Variants in CFAP47 observed in about 807,000 individuals in gnomAD.
CFAP47 encodes the protein cilia- and flagella-associated protein 47.
CFAP47 carries 29 observed loss-of-function variants against 148.1 expected under a neutral mutation model. The ratio of observed to expected loss-of-function variants is 0.20; its 90% CI spans 0.15 to 0.27. The LOEUF is 0.27. CFAP47 is among the 10% of genes least tolerant of loss of function. The pLI is 1.00. For synonymous variants in CFAP47, 664 were observed against 577.3 expected (o/e 1.15, Z -2.15); for missense variants, 1,872 against 1,697.5 (o/e 1.10, Z -1.81).
intron 56 of CFAP47, among the ~76,000 whole-genome samples, chrX:36,316,717 T>C (rs782666155): frequency 8.9e-6 from 1 of 112,419 alleles, no homozygotes; most frequent in Admixed American, 9.4e-5. Context: ...GTGTTTTATA[T>C]TTTTGTGACA....
intron 8 of CFAP47, among the ~76,000 whole-genome samples, chrX:35,957,658 T>C (rs1235462795): frequency 8.9e-6 from 1 of 112,090 alleles, no homozygotes; most frequent in Non-Finnish European, 1.9e-5. Flanking sequence ...ATTATTTTTC[T>C]CCAGTAACAT....
intron 42 of CFAP47, among the ~76,000 whole-genome samples, chrX:36,193,611 A>C (rs1555986819): frequency 9.0e-6 from 1 of 111,232 alleles, no homozygotes; most frequent in Non-Finnish European, 1.9e-5. Context: ...ATTGCTTTGA[A>C]GCATTTGTTA....
intron 1 of CFAP47, 42 bp from the exon 2 acceptor site, chrX:35,925,975 G>A (rs746003094): frequency 9.2e-7 from 1 of 1,081,087 alleles, no homozygotes; most frequent in Admixed American, 2.7e-5. Flanking sequence ...TTTTTTATAA[G>A]GAGTTAAAAT....
chrX:35,933,921 T>C (rs1935870078), intron 2 of CFAP47, among the ~76,000 whole-genome samples: 2 of 112,227 alleles, frequency 1.8e-5, no homozygotes, highest in Admixed American at 9.4e-5. Flanking sequence ...AATTTAACTA[T>C]TGATTTTTTC....
chrX:36,359,236 A>C (rs1941808891), intron 60 of CFAP47, among the ~76,000 whole-genome samples: 1 of 111,840 alleles, frequency 8.9e-6, no homozygotes, highest in East Asian at 2.8e-4. Flanking sequence ...AGTTTCCCCG[A>C]GGTAAAAATT....
intron 26 of CFAP47, among the ~76,000 whole-genome samples, chrX:36,052,265 A>G (rs1369319698): frequency 8.9e-6 from 1 of 112,049 alleles, no homozygotes; most frequent in Non-Finnish European, 1.9e-5. Context: ...TTTCCTAATC[A>G]TGGATGAGAT....
intron 4 of CFAP47, 80 bp downstream of exon 4, chrX:35,948,532 T>C: frequency 1.3e-6 from 1 of 790,820 alleles, no homozygotes; most frequent in South Asian, 2.6e-5. Context: ...GTGACTTTGA[T>C]TGTATGTTAG....
chrX:35,981,508 A>G (rs1936644293), intron 15 of CFAP47, among the ~76,000 whole-genome samples: 1 of 109,977 alleles, frequency 9.1e-6, no homozygotes, highest in African/African-American at 3.3e-5. Flanking sequence ...TGATATAACA[A>G]TTAGACAAAA....
At chrX:35,961,460 T>A (rs1025704051) in intron 8 of CFAP47, among the ~76,000 whole-genome samples, 1 of 111,489 alleles carries the variant, frequency 9.0e-6, no homozygotes, top group Admixed American at 9.5e-5. Flanking sequence ...TGGGATTTTG[T>A]CAGAAAGTTT....
intron 39 of CFAP47, among the ~76,000 whole-genome samples, chrX:36,171,118 TC>T (rs1197796542): frequency 4.5e-5 from 5 of 110,464 alleles, no homozygotes; most frequent in Non-Finnish European, 3.8e-5. Context: ...TCCGTTCATG[TC>T]CTTTGCCCAC....
At chrX:36,193,902 C>T (rs1297629080) in intron 42 of CFAP47, among the ~76,000 whole-genome samples, 1 of 111,292 alleles carries the variant, frequency 9.0e-6, no homozygotes, top group Admixed American at 9.6e-5. Flanking sequence ...TCTCTTGGTT[C>T]CTTATCAACG....
intron 8 of CFAP47, among the ~76,000 whole-genome samples, chrX:35,965,344 A>C (rs1936387408): frequency 9.0e-6 from 1 of 111,225 alleles, no homozygotes; most frequent in Non-Finnish European, 1.9e-5. Flanking sequence ...ATATTCTGTC[A>C]AGTAGTTTAC....
chrX:35,925,091 G>C (rs1212890952), intron 1 of CFAP47, among the ~76,000 whole-genome samples: 1 of 111,757 alleles, frequency 8.9e-6, no homozygotes, highest in Non-Finnish European at 1.9e-5. Context: ...AGTATTGTAT[G>C]GCTGGGTGCC....
At chrX:36,359,552 A>G (rs1223948488) in intron 60 of CFAP47, among the ~76,000 whole-genome samples, 2 of 111,585 alleles carry the variant, frequency 1.8e-5, no homozygotes, top group East Asian at 5.6e-4. Flanking sequence ...GTGCACCACT[A>G]TTACAGTATT....
intron 2 of CFAP47, among the ~76,000 whole-genome samples, chrX:35,936,346 A>G (rs898969151): frequency 2.7e-5 from 3 of 110,274 alleles, no homozygotes; most frequent in Admixed American, 1.9e-4. Context: ...TCAATTCTAT[A>G]ATTTCTATTT....
chrX:36,094,645 A>T (rs941825421), intron 30 of CFAP47, among the ~76,000 whole-genome samples: 1 of 110,345 alleles, frequency 9.1e-6, no homozygotes, highest in African/African-American at 3.3e-5. Context: ...TGTAAATGGG[A>T]CTCCTGTTTT....
At position 36,205,128 on chromosome X, in the gene CFAP47, G is replaced by A; in HGVS notation, c.6817+18G>A. On this transcript the variant is annotated intron_variant, in intron 45 of 63. Coordinates refer to ENST00000378653, the MANE Select transcript of CFAP47 (RefSeq NM_001304548.2). ...AGCAAAAGGTAATCAGTGATGTGCG[G>A]CCTAAAAATCTAAGTGTTCCGGGAA... 3.4e-6 allele frequency: 1 copy of A among 295,278 alleles called. No individual in the cohort carries two copies. Among genetic ancestry groups the A allele is most frequent in the Non-Finnish European group, 5.9e-6 (1 of 168,726 alleles). 24.3% of individuals were successfully genotyped at this position (295,278 alleles called of 1,213,427 possible).
At chrX:36,211,254 G>A (rs2146889062) in intron 45 of CFAP47, 2 of 249,650 alleles carry the variant, frequency 8.0e-6, no homozygotes, top group South Asian at 5.2e-5. Context: ...ACTGCTCAGA[G>A]AGGTGGAAGA....
intron 40 of CFAP47, among the ~76,000 whole-genome samples, chrX:36,187,226 G>A (rs1220046880): frequency 2.7e-5 from 3 of 112,083 alleles, no homozygotes; most frequent in Non-Finnish European, 5.6e-5. Flanking sequence ...GTTCTGTCTA[G>A]CTTAAACAGT....
Sources: gnomAD v4.1 joint callset for allele counts (sites outside exome capture counted in the v4.1 genomes callset) on GRCh38, gnomAD v4.1.1 for gene constraint, MANE v1.5 for transcripts, NCBI Gene and HGNC (gene_info 2026-07-23, HGNC 2026-07-21) for gene names.